The following TOP2B variants were observed in gnomAD, a reference collection of about 807,000 sequenced individuals.
TOP2B encodes DNA topoisomerase II beta.
TOP2B carries 51 observed loss-of-function variants against 193.5 expected under a neutral mutation model. That is an observed-to-expected ratio of 0.26 (90% CI 0.21 to 0.33). TOP2B has a LOEUF of 0.33. Ranked by LOEUF, TOP2B falls within the 10% of genes least tolerant of loss-of-function variation. TOP2B has a pLI of 1.00. For synonymous variants in TOP2B, 634 were observed against 635.7 expected (o/e 1.00, Z 0.04); for missense variants, 1,378 against 1,909.3 (o/e 0.72, Z 5.19).
At chr3:25,620,879 G>A (rs1702642506) in intron 21 of TOP2B, 63 bp from the exon 22 acceptor site, 2 of 1,531,718 alleles carry the variant, frequency 1.3e-6, no homozygotes, top group Non-Finnish European at 1.8e-6. Context: ...TGAGTCTATG[G>A]TCTAACATTG....
intron 1 of TOP2B, among the ~76,000 whole-genome samples, chr3:25,663,671 GAA>G (rs1703986851): frequency 6.6e-6 from 1 of 152,276 alleles, no homozygotes; most frequent in Admixed American, 6.5e-5. Flanking sequence ...TAACTGCTGT[GAA>G]AGTCATCCCC....
intron 27 of TOP2B, among the ~76,000 whole-genome samples, chr3:25,613,994 G>C (rs1702443745): frequency 6.6e-6 from 1 of 152,196 alleles, no homozygotes; most frequent in Non-Finnish European, 1.5e-5. Context: ...GGCTGTGCCA[G>C]TGTACAATAG....
At chr3:25,609,039 T>A (rs993832615) in intron 30 of TOP2B, 144 bp downstream of exon 30, 5 of 580,484 alleles carry the variant, frequency 8.6e-6, no homozygotes, top group African/African-American at 7.7e-5. Flanking sequence ...AGAAAGACTG[T>A]TCTATAAGGC....
intron 33 of TOP2B, among the ~76,000 whole-genome samples, chr3:25,602,741 C>G (rs1374913276): frequency 3.9e-5 from 6 of 152,026 alleles, no homozygotes; most frequent in Non-Finnish European, 7.4e-5. Flanking sequence ...TTTTCCTTGG[C>G]TTGGAGTTAC....
At chr3:25,609,112 C>A in intron 30 of TOP2B, 71 bp downstream of exon 30, 1 of 1,337,336 alleles carries the variant, frequency 7.5e-7, no homozygotes, top group Middle Eastern at 2.0e-4. Flanking sequence ...TTAAACAACA[C>A]TGATAATACT....
intron 34 of TOP2B, among the ~76,000 whole-genome samples, chr3:25,600,688 G>C (rs1477330606): frequency 6.6e-6 from 1 of 152,208 alleles, no homozygotes; most frequent in Non-Finnish European, 1.5e-5. Context: ...GCTGTTCCTT[G>C]TGTGGCCCTG....
intron 1 of TOP2B, among the ~76,000 whole-genome samples, chr3:25,658,933 A>C (rs1393882498): frequency 6.6e-6 from 1 of 152,188 alleles, no homozygotes; most frequent in Non-Finnish European, 1.5e-5. Flanking sequence ...TTTCTGAGGG[A>C]GAATGAATTG....
At chr3:25,620,179 A>C (rs1702621877) in intron 22 of TOP2B, 117 bp from the exon 23 acceptor site, 1 of 670,728 alleles carries the variant, frequency 1.5e-6, no homozygotes, top group African/African-American at 1.8e-5. Context: ...AGGAAACCTC[A>C]ATCTCTATCA....
In TOP2B at chr3:25,599,463, C is replaced by A; in HGVS notation, c.4682G>T (p.Gly1561Val). The change falls in exon 35 of 36, where the codon GGC becomes GTC. Residue 1561 changes from glycine to valine, a missense_variant. By Grantham distance (109) the Gly-to-Val change is moderately radical. Transcript: ENST00000264331. ...GSENEGDYNPGRKTSKTTSKK... is the reference protein window; with the variant it reads ...GSENEGDYNPVRKTSKTTSKK... Reference sequence around the variant, plus strand: ...GCTTGTTGTTTTGGATGTTTTCCTGCCAGGGTTATAATCGCCTTCATTTTC... The same window carrying A: ...GCTTGTTGTTTTGGATGTTTTCCTGACAGGGTTATAATCGCCTTCATTTTC... 6.2e-7 allele frequency: 1 copy of A among 1,613,580 alleles called. No homozygotes were observed.
chr3:25,645,763 G>C (rs1703396838), intron 1 of TOP2B, among the ~76,000 whole-genome samples: 1 of 151,770 alleles, frequency 6.6e-6, no homozygotes, highest in Non-Finnish European at 1.5e-5. Flanking sequence ...AAGTTTGTTT[G>C]TTTGTTTTGT....
chr3:25,601,035 G>T lies in TOP2B; in HGVS notation c.4615+65C>A, dbSNP rs903136467. 1.5e-5 allele frequency: 23 copies of T among 1,536,044 alleles called. No homozygotes were observed. In the Admixed American group the frequency reaches 2.8e-4, roughly 19 times the overall value. ...ACCTAGCCTCTCTAAATTCAATGAG[G>T]TAGAAAAAATTCAATCTTTTCCACA... On this transcript the variant is annotated intron_variant, in intron 34 of 35. Coordinates refer to ENST00000264331, the MANE Select transcript of TOP2B (RefSeq NM_001330700.2).
At position 25,606,180 on chromosome 3, in the gene TOP2B, CTGA is replaced by C. The variant is rs1702232680; in HGVS notation, c.4299-61_4299-59del. The C allele has an allele frequency of 5.0e-6, 4 of 800,282 alleles. No individual in the cohort carries two copies. In the African/African-American group the frequency reaches 7.1e-5, roughly 14 times the overall value. The allele number at this position is 800,282 out of a possible 1,614,324, so 49.6% of individuals were successfully genotyped here. On this transcript the variant is annotated intron_variant, in intron 31 of 35. Transcript: ENST00000264331. ...ACAATTTAAATATCTGATTTCAATC[CTGA>C]TAAATTATATATAATATTTACTGCA...
chr3:25,616,656 T>C (rs1196247712), intron 25 of TOP2B, among the ~76,000 whole-genome samples: 1 of 151,952 alleles, frequency 6.6e-6, no homozygotes, highest in African/African-American at 2.4e-5. Flanking sequence ...TTCTACACTT[T>C]TGAAAAATTC....
At chr3:25,606,341 C>T (rs566852947) in intron 31 of TOP2B, among the ~76,000 whole-genome samples, 1 of 152,134 alleles carries the variant, frequency 6.6e-6, no homozygotes, top group South Asian at 2.1e-4. Context: ...GCACATACCA[C>T]GTATGCACAC....
At chr3:25,625,218 C>A (rs1559498956) in intron 18 of TOP2B, among the ~76,000 whole-genome samples, 1 of 152,084 alleles carries the variant, frequency 6.6e-6, no homozygotes, top group Non-Finnish European at 1.5e-5. Flanking sequence ...TCAGGAAAAC[C>A]CTTATAAAAA....
Position 25,624,577 on chromosome 3 carries a change from C to A in TOP2B, c.2346+105G>T. ...CACTAATCTGTATATTCTCTTAATT[C>A]TTTTACATTTCCAAAGACTTTACTA... On this transcript the variant is annotated intron_variant, in intron 19 of 35. Coordinates refer to ENST00000264331, the MANE Select transcript of TOP2B (RefSeq NM_001330700.2). 4 of 1,536,486 alleles carry A rather than the reference C, an allele frequency of 2.6e-6. No homozygotes were observed. The South Asian group carries it at 3.8e-5, about 15-fold the overall frequency.
chr3:25,642,446 C>T, intron 3 of TOP2B, 61 bp from the exon 4 acceptor site: 1 of 1,043,132 alleles, frequency 9.6e-7, no homozygotes, highest in Non-Finnish European at 1.4e-6. Context: ...TACATGGACA[C>T]AACTGTATGT....
chr3:25,601,529 C>G (rs1575559134), intron 33 of TOP2B, among the ~76,000 whole-genome samples: 1 of 151,948 alleles, frequency 6.6e-6, no homozygotes, highest in African/African-American at 2.4e-5. Context: ...TGAGGCAGGA[C>G]AATCGCTTGA....
chr3:25,621,852 G>T (rs1193664226), intron 21 of TOP2B, among the ~76,000 whole-genome samples: 1 of 152,010 alleles, frequency 6.6e-6, no homozygotes, highest in Non-Finnish European at 1.5e-5. Context: ...AGACAGGCAT[G>T]GTGGCGCACA....
Sources: allele counts gnomAD v4.1 joint callset (sites outside exome capture counted in the v4.1 genomes callset), GRCh38; gene constraint gnomAD v4.1.1; transcripts MANE v1.5; gene names NCBI Gene and HGNC (gene_info 2026-07-23, HGNC 2026-07-21).